The following LIMCH1 variants were observed in gnomAD, a reference collection of about 807,000 sequenced individuals.
LIMCH1 encodes LIM and calponin homology domains 1, also known as LIM and calponin homology domains-containing protein 1.
Under a neutral mutation model 176.5 loss-of-function variants are expected in LIMCH1, and 113 were observed. That is an observed-to-expected ratio of 0.64 (90% confidence interval 0.55 to 0.75). LIMCH1 has a LOEUF of 0.75. Ranked by LOEUF, LIMCH1 falls within the 30% of genes least tolerant of loss-of-function variation. LIMCH1 has a pLI of 0.00. For synonymous variants in LIMCH1, 619 were observed against 645.9 expected (o/e 0.96, Z 0.63); for missense variants, 1,674 against 1,814.9 (o/e 0.92, Z 1.41).
chr4:41,495,492 C>T lies in LIMCH1; in HGVS notation c.167+886C>T, dbSNP rs75132326. 7.6e-4 allele frequency among the ~76,000 whole-genome samples: 116 copies of T among 152,248 alleles called. No homozygotes were observed. In the East Asian group the frequency reaches 0.017, roughly 22 times the overall value. On this transcript the variant is annotated intron_variant, in intron 2 of 26. Transcript: ENST00000313860. Reference sequence around the variant, plus strand: ...CTCTGTCACAGTAGCATCTATTTTGCCTTCTCTTATACTTGATTTCAGTGG... The same window carrying T: ...CTCTGTCACAGTAGCATCTATTTTGTCTTCTCTTATACTTGATTTCAGTGG...
At chr4:41,578,520 T>C (rs2084871677) in intron 1 of LIMCH1, among the ~76,000 whole-genome samples, 1 of 152,220 alleles carries the variant, frequency 6.6e-6, no homozygotes, top group Non-Finnish European at 1.5e-5. Context: ...AATCTGAGAC[T>C]GTCAACTTCT....
At chr4:41,457,862 T>TTTAG (rs2154151115) in intron 1 of LIMCH1, among the ~76,000 whole-genome samples, 1 of 152,320 alleles carries the variant, frequency 6.6e-6, no homozygotes, top group East Asian at 1.9e-4. Context: ...GACTTTGTTA[T>TTTAG]TTAGTAAAGG....
chr4:41,568,130 G>A (rs2083021118), intron 1 of LIMCH1, among the ~76,000 whole-genome samples: 3 of 152,162 alleles, frequency 2.0e-5, no homozygotes, highest in Admixed American at 2.0e-4. Context: ...TTCAGCCTAG[G>A]CGACAGAGCG....
At chr4:41,414,834 C>T (rs1008990629) in intron 1 of LIMCH1, among the ~76,000 whole-genome samples, 3 of 152,056 alleles carry the variant, frequency 2.0e-5, no homozygotes, top group Non-Finnish European at 4.4e-5. Flanking sequence ...ATGTTGTACA[C>T]GTATTGTGGT....
chr4:41,676,597 C>A, intron 23 of LIMCH1, 135 bp downstream of exon 23: 1 of 675,624 alleles, frequency 1.5e-6, no homozygotes, highest in Non-Finnish European at 2.7e-6. Context: ...CAAGTCAGTT[C>A]ATTTTGTGTC....
At chr4:41,560,130 G>A (rs563517937) in intron 1 of LIMCH1, among the ~76,000 whole-genome samples, 65 of 152,200 alleles carry the variant, frequency 4.3e-4, no homozygotes, top group African/African-American at 1.5e-3. Context: ...AACACCTTAT[G>A]TCCTTTATTG....
At chr4:41,444,313 T>TATAC (rs1275164555) in intron 1 of LIMCH1, among the ~76,000 whole-genome samples, 1 of 134,180 alleles carries the variant, frequency 7.5e-6, no homozygotes, top group Non-Finnish European at 1.5e-5. Flanking sequence ...TGTATATATA[T>TATAC]ACACACACAC....
At chr4:41,620,924 G>T (rs1393321061) in intron 7 of LIMCH1, among the ~76,000 whole-genome samples, 1 of 152,232 alleles carries the variant, frequency 6.6e-6, no homozygotes, top group Admixed American at 6.5e-5. Context: ...ACTGCTGGGT[G>T]CAGCCCTTGT....
chr4:41,423,950 A>G (rs1391128026), intron 1 of LIMCH1, among the ~76,000 whole-genome samples: 1 of 151,924 alleles, frequency 6.6e-6, no homozygotes, highest in Admixed American at 6.6e-5. Context: ...TCAATGAGTT[A>G]CTCTTTGCCC....
intron 1 of LIMCH1, among the ~76,000 whole-genome samples, chr4:41,595,844 G>A (rs1180356627): frequency 2.6e-5 from 4 of 151,810 alleles, no homozygotes; most frequent in Admixed American, 2.6e-4. Context: ...GATCACTTGA[G>A]CTCGAGACCA....
chr4:41,636,340 C>CTTTTTTTT (rs35828085), intron 13 of LIMCH1, among the ~76,000 whole-genome samples: 34 of 104,890 alleles, frequency 3.2e-4, no homozygotes, highest in East Asian at 7.5e-4. Context: ...TGCTTTATTA[C>CTTTTTTTT]TTTTTTTTTT....
intron 1 of LIMCH1, among the ~76,000 whole-genome samples, chr4:41,379,204 C>T (rs888334510): frequency 6.6e-6 from 1 of 152,148 alleles, no homozygotes; most frequent in Non-Finnish European, 1.5e-5. Context: ...CAGGTGTCAT[C>T]TGAAGGCTTG....
chr4:41,566,268 G>T (rs1385861903), intron 1 of LIMCH1, among the ~76,000 whole-genome samples: 2 of 152,108 alleles, frequency 1.3e-5, no homozygotes, highest in Non-Finnish European at 2.9e-5. Context: ...GGTCTTAATG[G>T]CATCTAGCAT....
chr4:41,478,106 G>A (rs1455704596), intron 1 of LIMCH1, among the ~76,000 whole-genome samples: 4 of 152,196 alleles, frequency 2.6e-5, no homozygotes, highest in African/African-American at 4.8e-5. Context: ...TGCAAGTTAA[G>A]CTACATTTTT....
intron 1 of LIMCH1, among the ~76,000 whole-genome samples, chr4:41,462,197 C>G (rs2065472335): frequency 6.6e-6 from 1 of 152,122 alleles, no homozygotes; most frequent in Non-Finnish European, 1.5e-5. Flanking sequence ...TGGGAGGGGG[C>G]AGTATGTTTG....
At chr4:41,437,983 C>T (rs1340760607) in intron 1 of LIMCH1, among the ~76,000 whole-genome samples, 1 of 152,196 alleles carries the variant, frequency 6.6e-6, no homozygotes, top group Non-Finnish European at 1.5e-5. Flanking sequence ...TTCCATGATG[C>T]ACTGAATTTG....
intron 1 of LIMCH1, among the ~76,000 whole-genome samples, chr4:41,461,367 A>G (rs900800332): frequency 6.6e-6 from 1 of 152,212 alleles, no homozygotes; most frequent in African/African-American, 2.4e-5. Context: ...GATTGCTTAA[A>G]AACGACTAAA....
chr4:41,609,690 G>C, intron 4 of LIMCH1: 1 of 455,812 alleles, frequency 2.2e-6, no homozygotes, highest in South Asian at 1.6e-5. Context: ...CATGAAGCTA[G>C]TAGTTCTCAC....
chr4:41,694,378 A>T (rs1728780720), intron 31 of LIMCH1, among the ~76,000 whole-genome samples: 1 of 152,182 alleles, frequency 6.6e-6, no homozygotes, highest in Non-Finnish European at 1.5e-5. Flanking sequence ...ATGTTTGTAC[A>T]TGTGTATGCA....
Sources: gnomAD v4.1 joint callset for allele counts (sites outside exome capture counted in the v4.1 genomes callset) on GRCh38, gnomAD v4.1.1 for gene constraint, MANE v1.5 for transcripts, NCBI Gene and HGNC (gene_info 2026-07-23, HGNC 2026-07-21) for gene names.